DRD2: variants seen among roughly 807,000 people sequenced by gnomAD.
The protein encoded by DRD2 is D(2) dopamine receptor.
A neutral mutation model predicts 38.0 loss-of-function variants in DRD2; 8 were observed. That is an observed-to-expected ratio of 0.21 (90% CI 0.12 to 0.38). The LOEUF (loss-of-function observed/expected upper bound fraction) is 0.38. Among genes scored for constraint, DRD2 ranks in the 10% least tolerant of loss-of-function variants. DRD2 has a pLI of 1.00. For synonymous variants in DRD2, 230 were observed against 238.6 expected (o/e 0.96, Z 0.33); for missense variants, 403 against 607.7 (o/e 0.66, Z 3.54).
chr11:113,442,140 C>T (rs545542217), intron 1 of DRD2, among the ~76,000 whole-genome samples: 1 of 152,210 alleles, frequency 6.6e-6, no homozygotes, highest in South Asian at 2.1e-4. Flanking sequence ...GCCATAATTG[C>T]CTTAGCTTGG....
chr11:113,430,561 C>T (rs1374564784), intron 1 of DRD2, among the ~76,000 whole-genome samples: 1 of 152,238 alleles, frequency 6.6e-6, no homozygotes, highest in African/African-American at 2.4e-5. Flanking sequence ...AGAAAACCTG[C>T]TGGTCCCCAG....
Position 113,409,637 on chromosome 11 carries a change from T to G in DRD2, c.*1090A>C, listed in dbSNP as rs776988326. On this transcript the variant is annotated 3_prime_UTR_variant, in exon 8 of 8. Coordinates refer to ENST00000362072, the MANE Select transcript of DRD2 (RefSeq NM_000795.4). ...AGGTGACTCGTCAAAGTTTTATTAG[T>G]TTGGTGCATGGATAGTGATGTTACA... 1 of 152,668 alleles carries G rather than the reference T, an allele frequency of 6.6e-6. No homozygotes were observed. Among genetic ancestry groups the G allele is most frequent in the African/African-American group, 2.4e-5 (1 of 41,444 alleles). 9.5% of individuals were successfully genotyped at this position (152,668 alleles called of 1,614,324 possible). A position where few individuals can be genotyped will look rare whatever the true frequency, so the allele number is the denominator to read the frequency against.
At chr11:113,449,449 C>T (rs778016251) in intron 1 of DRD2, among the ~76,000 whole-genome samples, 2 of 152,134 alleles carry the variant, frequency 1.3e-5, no homozygotes, top group African/African-American at 2.4e-5. Context: ...GACGTTTGGA[C>T]ATGTCAAGCA....
chr11:113,421,366 T>G (rs1950882420), intron 2 of DRD2, among the ~76,000 whole-genome samples: 1 of 152,068 alleles, frequency 6.6e-6, no homozygotes, highest in African/African-American at 2.4e-5. Context: ...AGGATTGGGG[T>G]AAGACCTCGG....
At chr11:113,468,004 C>T (rs1266860713) in intron 1 of DRD2, among the ~76,000 whole-genome samples, 2 of 152,220 alleles carry the variant, frequency 1.3e-5, no homozygotes, top group Non-Finnish European at 2.9e-5. Flanking sequence ...AAAAGGACAA[C>T]AGCTCAAAGT....
chr11:113,462,108 C>T (rs1951326647), intron 1 of DRD2, among the ~76,000 whole-genome samples: 1 of 152,188 alleles, frequency 6.6e-6, no homozygotes, highest in Admixed American at 6.5e-5. Context: ...TTCTTGTCCT[C>T]ATTTGCCTTC....
chr11:113,446,160 C>A (rs1951146345), intron 1 of DRD2, among the ~76,000 whole-genome samples: 1 of 152,144 alleles, frequency 6.6e-6, no homozygotes, highest in Non-Finnish European at 1.5e-5. Context: ...GTCTTCAGCT[C>A]CCCCTTCCCA....
chr11:113,453,246 A>C (rs999021575), intron 1 of DRD2, among the ~76,000 whole-genome samples: 2 of 151,998 alleles, frequency 1.3e-5, no homozygotes, highest in African/African-American at 4.8e-5. Context: ...ATACTGAAAA[A>C]CCCACTTAAC....
chr11:113,412,269 G>T (rs1208709212), intron 7 of DRD2, among the ~76,000 whole-genome samples: 1 of 152,198 alleles, frequency 6.6e-6, no homozygotes, highest in Non-Finnish European at 1.5e-5. Flanking sequence ...TCTGGTGCCA[G>T]CATAATAGAC....
chr11:113,432,389 G>A (rs976203350), intron 1 of DRD2, among the ~76,000 whole-genome samples: 1 of 151,548 alleles, frequency 6.6e-6, no homozygotes, highest in African/African-American at 2.4e-5. Context: ...GAAAGGTGGG[G>A]GACAGAAGCC....
chr11:113,415,247 G>A (rs1435478470), intron 5 of DRD2, 174 bp downstream of exon 5: 5 of 625,942 alleles, frequency 8.0e-6, no homozygotes, highest in Non-Finnish European at 1.3e-5. Context: ...GACTCAGATT[G>A]CTCCACTGAG....
At chr11:113,461,344 G>C (rs2119961928) in intron 1 of DRD2, among the ~76,000 whole-genome samples, 1 of 152,304 alleles carries the variant, frequency 6.6e-6, no homozygotes, top group East Asian at 1.9e-4. Context: ...TCTCTATGGA[G>C]AGTACAGGTC....
chr11:113,446,183 C>T (rs1951146810), intron 1 of DRD2, among the ~76,000 whole-genome samples: 1 of 152,158 alleles, frequency 6.6e-6, no homozygotes, highest in Non-Finnish European at 1.5e-5. Flanking sequence ...CGCCCCTTTC[C>T]AGAAGCCCTG....
rs12283680 is a variant in DRD2 at position 113,438,615 on chromosome 11, A to C, written c.-31-13933T>G. 6.5e-3 allele frequency among the ~76,000 whole-genome samples: 984 copies of C among 152,278 alleles called. 13 individuals are homozygous for C. The highest frequency in any genetic ancestry group is 0.022 in the African/African-American group (913 of 41,554). On this transcript the variant is annotated intron_variant, in intron 1 of 7. Transcript: ENST00000362072. ...TCACCCCTGAACTAAAAGCCCTAAA[A>C]TATCAGGGCACCTGGCAGGTGACCT... is the stretch of plus-strand genomic sequence containing the variant.
intron 1 of DRD2, chr11:113,450,165 T>C (rs541483749): frequency 1.3e-5 from 2 of 153,474 alleles, no homozygotes; most frequent in Non-Finnish European, 2.9e-5. Context: ...AAGACAGAAA[T>C]TGGAACTTTT....
At chr11:113,435,898 T>C (rs1951031439) in intron 1 of DRD2, among the ~76,000 whole-genome samples, 2 of 152,172 alleles carry the variant, frequency 1.3e-5, no homozygotes, top group South Asian at 4.1e-4. Flanking sequence ...ACCTTATTGC[T>C]CCAGATGGAG....
intron 2 of DRD2, among the ~76,000 whole-genome samples, chr11:113,421,309 G>A (rs1950881952): frequency 6.6e-6 from 1 of 152,184 alleles, no homozygotes. Flanking sequence ...TAGGGGCCCT[G>A]TCAACCTCTG....
intron 2 of DRD2, among the ~76,000 whole-genome samples, chr11:113,420,929 C>T (rs1232430519): frequency 6.6e-6 from 1 of 152,150 alleles, no homozygotes; most frequent in East Asian, 1.9e-4. Flanking sequence ...TGCTCTTGCT[C>T]ACATAAAGCT....
chr11:113,440,926 T>G (rs1416343029), intron 1 of DRD2, among the ~76,000 whole-genome samples: 1 of 152,222 alleles, frequency 6.6e-6, no homozygotes, highest in East Asian at 1.9e-4. Context: ...AACATAATGT[T>G]GCTAATCAAA....
Sources: gnomAD v4.1 joint callset for allele counts (sites outside exome capture counted in the v4.1 genomes callset) on GRCh38, gnomAD v4.1.1 for gene constraint, MANE v1.5 for transcripts, NCBI Gene and HGNC (gene_info 2026-07-23, HGNC 2026-07-21) for gene names.